Variants in IRAK2 observed in about 807,000 individuals in gnomAD.
IRAK2 encodes interleukin-1 receptor-associated kinase-like 2.
A neutral mutation model predicts 72.0 loss-of-function variants in IRAK2; 57 were observed. The observed-to-expected ratio is 0.79, with a 90% confidence interval of 0.64 to 0.99. The LOEUF (loss-of-function observed/expected upper bound fraction) is 0.99. IRAK2 is among the 50% of genes least tolerant of loss of function. The pLI, the probability that IRAK2 is intolerant of heterozygous loss-of-function variation, is 0.00. For synonymous variants in IRAK2, 293 were observed against 312.7 expected (o/e 0.94, Z 0.67); for missense variants, 790 against 794.4 (o/e 0.99, Z 0.07).
intron 8 of IRAK2, among the ~76,000 whole-genome samples, chr3:10,221,682 A>G (rs1363243073): frequency 6.6e-6 from 1 of 151,934 alleles, no homozygotes; most frequent in Non-Finnish European, 1.5e-5. Context: ...ACGCACCACC[A>G]TGCCGTGCTG....
chr3:10,209,115 C>T (rs1697478598), intron 3 of IRAK2, among the ~76,000 whole-genome samples: 1 of 152,154 alleles, frequency 6.6e-6, no homozygotes, highest in Admixed American at 6.6e-5. Flanking sequence ...TCTCCTGCCT[C>T]TGACCTCGCT....
chr3:10,216,294 G>T (rs1201364847), intron 6 of IRAK2, among the ~76,000 whole-genome samples: 1 of 152,182 alleles, frequency 6.6e-6, no homozygotes, highest in African/African-American at 2.4e-5. Flanking sequence ...TTTGGGACTT[G>T]TTGAGGCTAG....
At chr3:10,210,950 C>T (rs560375030) in intron 4 of IRAK2, among the ~76,000 whole-genome samples, 4 of 152,230 alleles carry the variant, frequency 2.6e-5, no homozygotes, top group South Asian at 2.1e-4. Context: ...CCTCTGCCTC[C>T]CAGGTTCAAG....
chr3:10,167,571 T>A (rs6442157), intron 1 of IRAK2, among the ~76,000 whole-genome samples: 2 of 151,968 alleles, frequency 1.3e-5, no homozygotes, highest in Non-Finnish European at 2.9e-5. Flanking sequence ...CCTGCCACCA[T>A]GCCCGGCTAA....
At chr3:10,224,512 G>A (rs947664967) in intron 9 of IRAK2, among the ~76,000 whole-genome samples, 1 of 137,180 alleles carries the variant, frequency 7.3e-6, no homozygotes, top group African/African-American at 2.7e-5. Flanking sequence ...TATATAAGCA[G>A]GTGAGCATGG....
At chr3:10,178,571 T>C (rs1326402542) in intron 2 of IRAK2, among the ~76,000 whole-genome samples, 1 of 152,184 alleles carries the variant, frequency 6.6e-6, no homozygotes, top group East Asian at 1.9e-4. Flanking sequence ...CTGTAAATTA[T>C]TTCATACCTT....
chr3:10,204,114 C>T (rs949398457), intron 3 of IRAK2, among the ~76,000 whole-genome samples: 3 of 152,234 alleles, frequency 2.0e-5, no homozygotes, highest in African/African-American at 7.2e-5. Flanking sequence ...TTTCACCAGC[C>T]TTGGTAAAAT....
At chr3:10,212,633 C>T (rs6442160) in intron 4 of IRAK2, among the ~76,000 whole-genome samples, 2,040 of 152,176 alleles carry the variant, frequency 0.013, 42 homozygotes, top group African/African-American at 0.048. Context: ...AATTACTCTT[C>T]GGGGTACTAT....
intron 1 of IRAK2, among the ~76,000 whole-genome samples, chr3:10,175,199 C>T (rs377537373): frequency 6.6e-6 from 1 of 152,182 alleles, no homozygotes; most frequent in East Asian, 1.9e-4. Context: ...TCTCAGCTCA[C>T]TGCAACCTCC....
At position 10,235,306 on chromosome 3, in the gene IRAK2, C is replaced by CT. The variant is rs879313750; in HGVS notation, c.1473+659dup. Among the ~76,000 whole-genome samples, 94 of 146,842 alleles carry CT rather than the reference C, an allele frequency of 6.4e-4. 1 individual carries two copies. The highest frequency in any genetic ancestry group is 3.6e-3 in the Middle Eastern group (1 of 280). The stretch of plus-strand genomic sequence containing the variant: ...GGTAATCAAGAGACTACTGCTTGAT[C>CT]TTTTTTTTTTTTCTTTTTGAGACAG... On this transcript the variant is annotated intron_variant, in intron 11 of 12. Coordinates refer to ENST00000256458, the MANE Select transcript of IRAK2 (RefSeq NM_001570.4).
Position 10,213,368 on chromosome 3 carries a change from C to T in IRAK2, c.690C>T (p.His230=), listed in dbSNP as rs372180328. The T allele has an allele frequency of 3.0e-5, 48 of 1,613,908 alleles. No individual in the cohort carries two copies. Among genetic ancestry groups the T allele is most frequent in the South Asian group, 2.3e-4 (21 of 91,074 alleles). ...CTGACGTCTACAGAGGGCACAGGCA[C>T]GGGAAGCCATTCGTCTTCAAGAAGC... ...TFADVYRGHR[H]GKPFVFKKLR... is the part of the protein sequence containing the mutation. The change falls in exon 5 of 13, where the codon CAC becomes CAT. Residue 230 remains histidine (H), a synonymous_variant. Coordinates refer to ENST00000256458, the MANE Select transcript of IRAK2 (RefSeq NM_001570.4).
chr3:10,235,417 C>A (rs1232362579), intron 11 of IRAK2, among the ~76,000 whole-genome samples: 1 of 152,076 alleles, frequency 6.6e-6, no homozygotes, highest in Non-Finnish European at 1.5e-5. Context: ...CTTGCCTCAG[C>A]CTCCCGAGTA....
chr3:10,200,534 T>G lies in IRAK2; in HGVS notation c.424+19T>G. On this transcript the variant is annotated intron_variant, in intron 3 of 12. Coordinates refer to ENST00000256458, the MANE Select transcript of IRAK2 (RefSeq NM_001570.4). ...GGCCCAGGTATTTTAAATTTAACTT[T>G]TTTACTTAAAGCACTTTTATTTAAG... The G allele has an allele frequency of 6.5e-7, 1 of 1,541,902 alleles. No homozygotes were observed. The highest frequency in any genetic ancestry group is 8.8e-7 in the Non-Finnish European group (1 of 1,140,690).
At chr3:10,177,327 G>T (rs995003011) in intron 1 of IRAK2, among the ~76,000 whole-genome samples, 32 of 152,190 alleles carry the variant, frequency 2.1e-4, no homozygotes, top group African/African-American at 7.5e-4. Context: ...CTGATGCTCA[G>T]GGTCCTGCGG....
intron 2 of IRAK2, among the ~76,000 whole-genome samples, chr3:10,186,403 C>T (rs1472870294): frequency 1.3e-5 from 2 of 151,722 alleles, no homozygotes; most frequent in Non-Finnish European, 1.5e-5. Context: ...GCCGAAGATC[C>T]AGCCTAGACA....
intron 7 of IRAK2, among the ~76,000 whole-genome samples, chr3:10,218,115 C>T (rs1209231645): frequency 6.6e-6 from 1 of 152,128 alleles, no homozygotes; most frequent in Non-Finnish European, 1.5e-5. Context: ...GTGGGACCTA[C>T]ACCAGGGCTT....
At chr3:10,192,412 G>A (rs8180082) in intron 2 of IRAK2, among the ~76,000 whole-genome samples, 70 of 152,342 alleles carry the variant, frequency 4.6e-4, no homozygotes, top group East Asian at 3.9e-3. Context: ...CTAGTGTGAC[G>A]GCCCAGGCCC....
intron 1 of IRAK2, 102 bp from the exon 2 acceptor site, chr3:10,177,736 G>A: frequency 6.1e-6 from 7 of 1,140,730 alleles, no homozygotes; most frequent in Non-Finnish European, 9.1e-6. Flanking sequence ...GCGGTGGTTG[G>A]GGAGGATGTC....
intron 4 of IRAK2, among the ~76,000 whole-genome samples, chr3:10,212,271 A>C (rs909539328): frequency 2.0e-5 from 3 of 152,166 alleles, no homozygotes; most frequent in Non-Finnish European, 4.4e-5. Context: ...AAATTTGTAA[A>C]GTTTCTTAAA....
Sources: gnomAD v4.1 joint callset for allele counts (sites outside exome capture counted in the v4.1 genomes callset) on GRCh38, gnomAD v4.1.1 for gene constraint, MANE v1.5 for transcripts, NCBI Gene and HGNC (gene_info 2026-07-23, HGNC 2026-07-21) for gene names.